Variants in SNX10 observed in about 807,000 individuals in gnomAD.
SNX10 encodes sorting nexin 10.
In SNX10, 25 loss-of-function variants were observed where a neutral mutation model predicts 28.5. The ratio of observed to expected loss-of-function variants is 0.88; its 90% CI spans 0.64 to 1.22. The LOEUF is 1.22. SNX10 is among the 50% of genes most tolerant of loss of function. The pLI, the probability that SNX10 is intolerant of heterozygous loss-of-function variation, is 0.00. For synonymous variants in SNX10, 62 were observed against 81.4 expected, an observed-to-expected ratio of 0.76 and a Z score of 1.28; for missense variants, 223 against 242.6, an observed-to-expected ratio of 0.92 and a Z score of 0.54.
At chr7:26,306,443 G>A (rs1262021218) in intron 1 of SNX10, among the ~76,000 whole-genome samples, 2 of 144,896 alleles carry the variant, frequency 1.4e-5, no homozygotes, top group African/African-American at 2.5e-5. Flanking sequence ...ACAGGGTCTT[G>A]TTTTGTCACT....
At chr7:26,338,826 C>T (rs1025717242) in intron 1 of SNX10, among the ~76,000 whole-genome samples, 8 of 152,226 alleles carry the variant, frequency 5.3e-5, no homozygotes, top group Admixed American at 2.0e-4. Flanking sequence ...GTCTTCTGTG[C>T]CTGGGTGGGA....
chr7:26,341,087 C>G (rs1788159580), intron 1 of SNX10, among the ~76,000 whole-genome samples: 1 of 152,010 alleles, frequency 6.6e-6, no homozygotes, highest in Admixed American at 6.6e-5. Context: ...GGCTTGAGGC[C>G]AGGAGTTCGA....
intron 1 of SNX10, among the ~76,000 whole-genome samples, chr7:26,320,717 C>T (rs1332250043): frequency 2.0e-5 from 3 of 152,168 alleles, no homozygotes; most frequent in African/African-American, 7.2e-5. Context: ...CAGGCATGAG[C>T]CACCGCACCC....
At chr7:26,367,232 T>C (rs1789326529) in intron 5 of SNX10, among the ~76,000 whole-genome samples, 1 of 152,024 alleles carries the variant, frequency 6.6e-6, no homozygotes, top group East Asian at 1.9e-4. Context: ...AGTGAATGCT[T>C]TGGGCCAGGC....
At chr7:26,308,974 A>C (rs147606820) in intron 1 of SNX10, among the ~76,000 whole-genome samples, 1 of 152,182 alleles carries the variant, frequency 6.6e-6, no homozygotes, top group Non-Finnish European at 1.5e-5. Context: ...GCAATCTTCT[A>C]TGTTGATCGA....
In SNX10 at chr7:26,371,938, A is replaced by G; in HGVS notation, c.429A>G (p.Glu143=). The G allele has an allele frequency of 6.2e-7, 1 of 1,613,726 alleles. No homozygotes were observed. The highest frequency in any genetic ancestry group is 2.2e-5 in the East Asian group (1 of 44,852). The change falls in exon 6 of 7, where the codon GAA becomes GAG. Residue 143 remains glutamate (E), a synonymous_variant. Coordinates refer to ENST00000338523, the MANE Select transcript of SNX10 (RefSeq NM_013322.3). Reference sequence around the variant, plus strand: ...CTGGGCAGACTAAGTACTCTGTGGAAGAAGCAATTCACAAGTTTGCCTTAA... The same window carrying G: ...CTGGGCAGACTAAGTACTCTGTGGAGGAAGCAATTCACAAGTTTGCCTTAA... ...CVSGQTKYSV[E]EAIHKFALMN...
At chr7:26,343,302 G>A (rs185688510) in intron 1 of SNX10, among the ~76,000 whole-genome samples, 84 of 152,296 alleles carry the variant, frequency 5.5e-4, no homozygotes, top group Non-Finnish European at 1.0e-3. Context: ...CCACCCTAGG[G>A]AAGCAGACTG....
In SNX10 at chr7:26,361,066, G is replaced by T; in HGVS notation, c.111+5G>T. 6.3e-7 allele frequency: 1 copy of T among 1,591,726 alleles called. No individual in the cohort carries two copies. The highest frequency in any genetic ancestry group is 8.6e-7 in the Non-Finnish European group (1 of 1,166,350). On this transcript the variant is annotated splice_donor_5th_base_variant and intron_variant, in intron 3 of 6. Transcript: ENST00000338523. ...GACTATGAGATATGTATTCATGTAA[G>T]TATGTAGTCAGTAGAAATAGTAATT...
intron 3 of SNX10, among the ~76,000 whole-genome samples, chr7:26,362,341 A>G (rs992740337): frequency 4.6e-5 from 7 of 152,218 alleles, no homozygotes; most frequent in African/African-American, 1.7e-4. Context: ...GTGCGTCCTT[A>G]TCACACACTT....
chr7:26,329,970 G>T (rs1308258617), intron 1 of SNX10, among the ~76,000 whole-genome samples: 2 of 152,104 alleles, frequency 1.3e-5, no homozygotes, highest in African/African-American at 4.8e-5. Flanking sequence ...GGAAGGGTGG[G>T]TCAGGGCTCT....
chr7:26,308,729 A>G (rs1205168614), intron 1 of SNX10, among the ~76,000 whole-genome samples: 1 of 152,134 alleles, frequency 6.6e-6, no homozygotes, highest in African/African-American at 2.4e-5. Context: ...AGGTCATGGG[A>G]TCCCCAGTTT....
chr7:26,327,660 A>T (rs12674076), intron 1 of SNX10, among the ~76,000 whole-genome samples: 5,540 of 145,900 alleles, frequency 0.038, 202 homozygotes, highest in East Asian at 0.21. Flanking sequence ...GCACATAAAA[A>T]TTTTTTTGGT....
intron 2 of SNX10, among the ~76,000 whole-genome samples, chr7:26,353,213 T>A (rs1329463824): frequency 6.6e-6 from 1 of 152,192 alleles, no homozygotes; most frequent in Non-Finnish European, 1.5e-5. Context: ...TTAAACATAC[T>A]CCATGCTGTA....
At position 26,364,750 on chromosome 7, in the gene SNX10, C is replaced by A; in HGVS notation, c.212+115C>A. 1 of 726,886 alleles carries A rather than the reference C, an allele frequency of 1.4e-6. No homozygotes were observed. Among genetic ancestry groups the A allele is most frequent in the Non-Finnish European group, 2.2e-6 (1 of 452,858 alleles). 45.0% of individuals were successfully genotyped at this position (726,886 alleles called of 1,614,324 possible). On this transcript the variant is annotated intron_variant, in intron 4 of 6. Transcript: ENST00000338523. This position sits in a 1 kb window ranked among gnomAD's most constrained non-coding sequence, Gnocchi z 4.9. ...TTTTTATAGGCTTTTGCCTTGATTA[C>A]AATATGTAGCTTTAGTTTCTTAGCT...
chr7:26,313,136 T>A (rs779779751), intron 1 of SNX10, among the ~76,000 whole-genome samples: 1 of 152,182 alleles, frequency 6.6e-6, no homozygotes, highest in Non-Finnish European at 1.5e-5. Context: ...TGCATTCACA[T>A]CATGGAATAG....
rs553606714 is a variant in SNX10, at chr7:26,367,617, G to A, written c.311+2472G>A. Among the ~76,000 whole-genome samples the A allele has an allele frequency of 2.9e-4, 44 of 152,206 alleles. 1 individual carries two copies. Among genetic ancestry groups the A allele is most frequent in the Non-Finnish European group, 5.9e-4 (40 of 67,986 alleles). ...CCTCCCTTCTGTGTCCCTCAGATCTGTGCTTGCCCGGGTTGTGTAAGGTAG... is the reference window on the plus strand; with the variant it reads ...CCTCCCTTCTGTGTCCCTCAGATCTATGCTTGCCCGGGTTGTGTAAGGTAG... On this transcript the variant is annotated intron_variant, in intron 5 of 6. Coordinates refer to ENST00000338523, the MANE Select transcript of SNX10 (RefSeq NM_013322.3).
At chr7:26,349,567 G>A (rs1439514642) in intron 2 of SNX10, among the ~76,000 whole-genome samples, 1 of 152,128 alleles carries the variant, frequency 6.6e-6, no homozygotes, top group Non-Finnish European at 1.5e-5. Flanking sequence ...GGGCCATTGT[G>A]AAATTAAAAT....
chr7:26,315,409 C>A (rs1562790956), intron 1 of SNX10, among the ~76,000 whole-genome samples: 1 of 152,164 alleles, frequency 6.6e-6, no homozygotes, highest in African/African-American at 2.4e-5. Context: ...TGGCTCATGC[C>A]TGTAATCCCA....
chr7:26,298,225 A>T (rs896807185), intron 1 of SNX10, among the ~76,000 whole-genome samples: 2 of 152,338 alleles, frequency 1.3e-5, no homozygotes, highest in African/African-American at 2.4e-5. Context: ...AGTCTCAAAA[A>T]AAAGGGCAGA....
Sources: allele counts gnomAD v4.1 joint callset (sites outside exome capture counted in the v4.1 genomes callset), GRCh38; gene constraint gnomAD v4.1.1; non-coding constraint Gnocchi (gnomAD v3.1); transcripts MANE v1.5; gene names NCBI Gene and HGNC (gene_info 2026-07-23, HGNC 2026-07-21).